The following ANO2 variants were observed in gnomAD, a reference collection of about 807,000 sequenced individuals.
ANO2 encodes the protein anoctamin-2.
Under a neutral mutation model 124.2 loss-of-function variants are expected in ANO2, and 101 were observed. The ratio of observed to expected loss-of-function variants is 0.81; its 90% CI spans 0.69 to 0.96. The LOEUF is 0.96. Ranked by LOEUF, ANO2 falls within the 40% of genes least tolerant of loss-of-function variation. The pLI, the probability that ANO2 is intolerant of heterozygous loss-of-function variation, is 0.00. For missense variants in ANO2, 1,293 were observed against 1,274.5 expected, an observed-to-expected ratio of 1.01 and a Z score of -0.22; for synonymous variants, 486 against 482.5, an observed-to-expected ratio of 1.01 and a Z score of -0.09.
chr12:5,788,501 G>A (rs1290723319), intron 10 of ANO2, among the ~76,000 whole-genome samples: 3 of 152,220 alleles, frequency 2.0e-5, no homozygotes, highest in South Asian at 2.1e-4. Context: ...ACCTGGCACA[G>A]AGAAGGTGCT....
chr12:5,734,604 C>T (rs917962326), intron 13 of ANO2, among the ~76,000 whole-genome samples: 1 of 152,150 alleles, frequency 6.6e-6, no homozygotes, highest in African/African-American at 2.4e-5. Flanking sequence ...GCTCACCTCC[C>T]CCCATGCTGG....
At chr12:5,721,679 T>A (rs11063833) in intron 14 of ANO2, among the ~76,000 whole-genome samples, 33,629 of 152,066 alleles carry the variant, frequency 0.22, 3,935 homozygotes, top group Middle Eastern at 0.27. Flanking sequence ...CTATATTTTT[T>A]AATTATTTTG....
intron 3 of ANO2, among the ~76,000 whole-genome samples, chr12:5,875,718 C>G (rs1377218944): frequency 6.6e-6 from 1 of 152,128 alleles, no homozygotes; most frequent in Non-Finnish European, 1.5e-5. Flanking sequence ...CCAGTATACA[C>G]AAGAGCAGAC....
chr12:5,565,299 C>A (rs1941682205), intron 24 of ANO2, among the ~76,000 whole-genome samples: 1 of 152,184 alleles, frequency 6.6e-6, no homozygotes, highest in African/African-American at 2.4e-5. Flanking sequence ...CTCCACCCTG[C>A]AACTTATTCC....
chr12:5,620,137 C>G (rs1945035328), intron 16 of ANO2, among the ~76,000 whole-genome samples: 1 of 152,232 alleles, frequency 6.6e-6, no homozygotes, highest in South Asian at 2.1e-4. Flanking sequence ...ATTATCCAAA[C>G]AGCACATCCT....
chr12:5,726,608 T>G (rs745623260), intron 14 of ANO2, among the ~76,000 whole-genome samples: 4 of 152,202 alleles, frequency 2.6e-5, no homozygotes, highest in Non-Finnish European at 4.4e-5. Flanking sequence ...CATCTGTGAG[T>G]TGGGGATCAT....
At chr12:5,940,941 T>C (rs1258330510) in intron 1 of ANO2, among the ~76,000 whole-genome samples, 2 of 152,206 alleles carry the variant, frequency 1.3e-5, no homozygotes, top group Non-Finnish European at 2.9e-5. Context: ...GAAGTACCGA[T>C]ATGTGTAACA....
chr12:5,870,200 A>T (rs1033653850), intron 3 of ANO2: 8 of 152,260 alleles, frequency 5.3e-5, no homozygotes, highest in African/African-American at 1.9e-4. Context: ...TGTGCATGGC[A>T]GGTTCATTAC....
At chr12:5,938,393 A>AT (rs568240329) in intron 1 of ANO2, among the ~76,000 whole-genome samples, 1 of 152,016 alleles carries the variant, frequency 6.6e-6, no homozygotes, top group African/African-American at 2.4e-5. Context: ...TGATCTACAT[A>AT]TTTTTTTCCA....
chr12:5,641,470 A>G (rs934343609), intron 15 of ANO2, among the ~76,000 whole-genome samples: 9 of 152,252 alleles, frequency 5.9e-5, no homozygotes, highest in African/African-American at 2.2e-4. Flanking sequence ...ATTTTAAAAA[A>G]TCAAATAGGC....
chr12:5,832,277 AG>A (rs1318888745), intron 5 of ANO2, among the ~76,000 whole-genome samples, 174 bp downstream of exon 5: 2 of 152,024 alleles, frequency 1.3e-5, no homozygotes, highest in Admixed American at 1.3e-4. Context: ...TCACATGGGG[AG>A]GGGGTTCACA....
chr12:5,927,784 G>A (rs528730205), intron 1 of ANO2, among the ~76,000 whole-genome samples: 3 of 152,254 alleles, frequency 2.0e-5, no homozygotes, highest in Non-Finnish European at 4.4e-5. Flanking sequence ...CTAATGGGGT[G>A]AGAGGAAGAT....
chr12:5,677,649 C>A (rs1421451042), intron 14 of ANO2, among the ~76,000 whole-genome samples: 2 of 152,174 alleles, frequency 1.3e-5, no homozygotes, highest in Non-Finnish European at 2.9e-5. Context: ...TACCACTGCA[C>A]CACCCATGCC....
chr12:5,573,031 G>T (rs568141789), intron 23 of ANO2, among the ~76,000 whole-genome samples: 31 of 152,222 alleles, frequency 2.0e-4, no homozygotes, highest in African/African-American at 7.5e-4. Flanking sequence ...CCTGGGCATT[G>T]GTTGTTTTGG....
chr12:5,775,268 C>T (rs557161861), intron 10 of ANO2, among the ~76,000 whole-genome samples: 7 of 152,086 alleles, frequency 4.6e-5, no homozygotes, highest in Non-Finnish European at 7.4e-5. Context: ...GAAATAATTA[C>T]GTGCACACAC....
At chr12:5,778,667 T>C (rs930960088) in intron 10 of ANO2, among the ~76,000 whole-genome samples, 1 of 152,222 alleles carries the variant, frequency 6.6e-6, no homozygotes, top group Non-Finnish European at 1.5e-5. Context: ...TTAGAAGCAA[T>C]GAAATATGGT....
At chr12:5,731,502 G>A (rs907243470) in intron 14 of ANO2, among the ~76,000 whole-genome samples, 2 of 152,042 alleles carry the variant, frequency 1.3e-5, no homozygotes, top group Non-Finnish European at 2.9e-5. Context: ...TCAAATCCAA[G>A]ATGGAGAAAA....
At chr12:5,752,495 T>C (rs1951467604) in intron 10 of ANO2, among the ~76,000 whole-genome samples, 2 of 152,236 alleles carry the variant, frequency 1.3e-5, no homozygotes, top group Admixed American at 1.3e-4. Flanking sequence ...TGTTGGTCAT[T>C]TGTATGTCTT....
chr12:5,689,937 T>C (rs1208472841), intron 14 of ANO2, among the ~76,000 whole-genome samples: 1 of 152,156 alleles, frequency 6.6e-6, no homozygotes, highest in African/African-American at 2.4e-5. Context: ...GATGCTGACA[T>C]AAGACAAACT....
Sources: allele counts gnomAD v4.1 joint callset (sites outside exome capture counted in the v4.1 genomes callset), GRCh38; gene constraint gnomAD v4.1.1; transcripts MANE v1.5; gene names NCBI Gene and HGNC (gene_info 2026-07-23, HGNC 2026-07-21).